Variants in PPP1R16B observed in about 807,000 individuals in gnomAD.
PPP1R16B encodes protein phosphatase 1 regulatory inhibitor subunit 16B.
Under a neutral mutation model 61.7 loss-of-function variants are expected in PPP1R16B, and 14 were observed. The ratio of observed to expected loss-of-function variants is 0.23; its 90% confidence interval spans 0.15 to 0.35. The LOEUF is 0.35. PPP1R16B is among the 10% of genes least tolerant of loss of function. The probability of loss-of-function intolerance (pLI) is 1.00; values close to 1 mark genes in which losing one functional copy is unlikely to be tolerated. For missense variants in PPP1R16B, 547 were observed against 752.5 expected, an observed-to-expected ratio of 0.73 and a Z score of 3.19; for synonymous variants, 266 against 305.3, an observed-to-expected ratio of 0.87 and a Z score of 1.34.
intron 7 of PPP1R16B, among the ~76,000 whole-genome samples, chr20:38,906,737 A>T (rs2085446447): frequency 6.6e-6 from 1 of 152,106 alleles, no homozygotes; most frequent in African/African-American, 2.4e-5. Flanking sequence ...CCAGCTCTAG[A>T]GTTACAGCCA....
intron 10 of PPP1R16B, among the ~76,000 whole-genome samples, 180 bp from the exon 11 acceptor site, chr20:38,917,977 G>T (rs1158636277): frequency 6.6e-6 from 1 of 152,198 alleles, no homozygotes. Context: ...CCAGGGGTCG[G>T]TCAACTGTAC....
intron 2 of PPP1R16B, among the ~76,000 whole-genome samples, chr20:38,843,438 C>T (rs1011311192): frequency 1.8e-4 from 27 of 152,362 alleles, no homozygotes; most frequent in Middle Eastern, 3.4e-3. Context: ...GGCTCACTGG[C>T]ATGGCTCTTG....
Position 38,918,728 on chromosome 20 carries a change from A to G in PPP1R16B, c.*62A>G. 1.4e-6 allele frequency: 2 copies of G among 1,466,430 alleles called. No homozygotes were observed. The highest frequency in any genetic ancestry group is 2.3e-5 in the East Asian group (1 of 42,912). 90.8% of individuals were successfully genotyped at this position (1,466,430 alleles called of 1,614,324 possible). A position where few individuals can be genotyped will look rare whatever the true frequency, so the allele number is the denominator to read the frequency against. On this transcript the variant is annotated 3_prime_UTR_variant, in exon 11 of 11. Transcript: ENST00000299824. The surrounding 1 kb of genome is among the most constrained non-coding windows in gnomAD (Gnocchi z 5.3). Reference sequence around the variant, plus strand: ...GGCTCCTGGAATCCAGGCCAGCCCAACAGCCCTGGCTGGGGAGGTGTCAGG... The same window carrying G: ...GGCTCCTGGAATCCAGGCCAGCCCAGCAGCCCTGGCTGGGGAGGTGTCAGG...
At chr20:38,880,189 G>A (rs572267544) in intron 2 of PPP1R16B, among the ~76,000 whole-genome samples, 1 of 152,318 alleles carries the variant, frequency 6.6e-6, no homozygotes, top group Admixed American at 6.5e-5. Context: ...TAAAGACACA[G>A]ACAAATCCAT....
chr20:38,849,745 T>G (rs971271283), intron 2 of PPP1R16B, among the ~76,000 whole-genome samples: 12 of 150,410 alleles, frequency 8.0e-5, no homozygotes, highest in Non-Finnish European at 1.5e-4. Context: ...AGGGTAAAAC[T>G]AGTTGTATTT....
chr20:38,820,828 C>A (rs182196360), intron 1 of PPP1R16B, among the ~76,000 whole-genome samples: 1 of 151,624 alleles, frequency 6.6e-6, no homozygotes, highest in African/African-American at 2.4e-5. Context: ...GTCAGGAGAT[C>A]GAGACCATCC....
intron 1 of PPP1R16B, among the ~76,000 whole-genome samples, chr20:38,829,594 C>T (rs1252470063): frequency 6.6e-6 from 1 of 152,216 alleles, no homozygotes; most frequent in Non-Finnish European, 1.5e-5. Context: ...GCAGTTTGTG[C>T]TGTGTTCCCA....
In PPP1R16B at chr20:38,907,598, C is replaced by G. The variant is rs1186384793; in HGVS notation, c.899-208C>G. On this transcript the variant is annotated intron_variant, in intron 8 of 10. Coordinates refer to ENST00000299824, the MANE Select transcript of PPP1R16B (RefSeq NM_015568.4). This position sits in a 1 kb window ranked among gnomAD's most constrained non-coding sequence, Gnocchi z 4.5. ...GGGAAGCTTAGGAATTGTGACTGTGCCCAGAACCTGGGTTTCCCATTCTTA... is the reference window on the plus strand; with the variant it reads ...GGGAAGCTTAGGAATTGTGACTGTGGCCAGAACCTGGGTTTCCCATTCTTA... Among the ~76,000 whole-genome samples, 4 of 152,124 alleles carry G rather than the reference C, an allele frequency of 2.6e-5. No individual in the cohort carries two copies. The highest frequency in any genetic ancestry group is 4.4e-5 in the Non-Finnish European group (3 of 68,024).
At chr20:38,910,546 T>G (rs964309040) in intron 10 of PPP1R16B, among the ~76,000 whole-genome samples, 1 of 151,752 alleles carries the variant, frequency 6.6e-6, no homozygotes, top group African/African-American at 2.4e-5. Context: ...TTTGTTTTTT[T>G]TTTTTGAGAC....
rs766833072 is a variant in PPP1R16B at position 38,907,208 on chromosome 20, C to T, written c.898+154C>T. Among the ~76,000 whole-genome samples, 2 of 151,762 alleles carry T rather than the reference C, an allele frequency of 1.3e-5. No homozygotes were observed. The highest frequency in any genetic ancestry group is 2.4e-5 in the African/African-American group (1 of 41,268). ...AATTAATGGATGGTAGATGAATGGA[C>T]GGATGGACAGATTAATGGATAGATG... On this transcript the variant is annotated intron_variant, in intron 8 of 10. Transcript: ENST00000299824. This position sits in a 1 kb window ranked among gnomAD's most constrained non-coding sequence, Gnocchi z 4.5.
intron 1 of PPP1R16B, among the ~76,000 whole-genome samples, chr20:38,829,703 G>A (rs2145715706): frequency 6.6e-6 from 1 of 152,350 alleles, no homozygotes; most frequent in East Asian, 1.9e-4. Flanking sequence ...GCCGTGGGCT[G>A]CCCCAGCACC....
intron 2 of PPP1R16B, among the ~76,000 whole-genome samples, chr20:38,887,735 C>T (rs529708948): frequency 1.1e-4 from 17 of 152,350 alleles, no homozygotes; most frequent in African/African-American, 4.1e-4. Context: ...AGGATCTGAC[C>T]GTACTGGACA....
At position 38,922,279 on chromosome 20, in the gene PPP1R16B, A is replaced by G. The variant is rs1422087613; in HGVS notation, c.*3613A>G. The G allele has an allele frequency of 6.5e-6, 1 of 152,750 alleles. No homozygotes were observed. Among genetic ancestry groups the G allele is most frequent in the Non-Finnish European group, 1.5e-5 (1 of 68,112 alleles). 9.5% of individuals were successfully genotyped at this position (152,750 alleles called of 1,614,324 possible). ...ACCGGTTTGCTGGCTTTGTAATAAC[A>G]TAAGACCATTGTGGTTGTTGGTGTC... On this transcript the variant is annotated 3_prime_UTR_variant, in exon 11 of 11. Coordinates refer to ENST00000299824, the MANE Select transcript of PPP1R16B (RefSeq NM_015568.4).
At position 38,907,128 on chromosome 20, in the gene PPP1R16B, A is replaced by G; in HGVS notation, c.898+74A>G. The G allele has an allele frequency of 8.4e-7, 1 of 1,193,472 alleles. No homozygotes were observed. The highest frequency in any genetic ancestry group is 1.5e-5 in the African/African-American group (1 of 66,796). The allele number at this position is 1,193,472 out of a possible 1,614,324, so 73.9% of individuals were successfully genotyped here. A position where few individuals can be genotyped will look rare whatever the true frequency, so the allele number is the denominator to read the frequency against. On this transcript the variant is annotated intron_variant, in intron 8 of 10. Transcript: ENST00000299824. The surrounding 1 kb of genome is among the most constrained non-coding windows in gnomAD (Gnocchi z 4.5). ...TTTTGATGGGTAGAGGGAGAAATAG[A>G]TAAATATATGGTTGTATAGATTGAT...
intron 1 of PPP1R16B, among the ~76,000 whole-genome samples, chr20:38,807,209 T>G (rs921012840): frequency 3.3e-5 from 5 of 152,088 alleles, no homozygotes; most frequent in African/African-American, 1.2e-4. Context: ...AAACCGTCCA[T>G]CTAGGAGGCC....
intron 3 of PPP1R16B, among the ~76,000 whole-genome samples, chr20:38,891,660 A>G (rs946611671): frequency 6.6e-6 from 1 of 152,064 alleles, no homozygotes; most frequent in African/African-American, 2.4e-5. Context: ...ATTAGCTGGA[A>G]TTTGGTGGTG....
At chr20:38,845,462 CAAAT>C (rs1174225442) in intron 2 of PPP1R16B, among the ~76,000 whole-genome samples, 3 of 152,108 alleles carry the variant, frequency 2.0e-5, no homozygotes, top group African/African-American at 7.2e-5. Context: ...AATAAATAAA[CAAAT>C]AAATAAAAAT....
chr20:38,869,527 C>T (rs773075069), intron 2 of PPP1R16B, among the ~76,000 whole-genome samples: 1 of 152,156 alleles, frequency 6.6e-6, no homozygotes, highest in Admixed American at 6.5e-5. Flanking sequence ...TATATCCTCA[C>T]CAGCAGTGTA....
chr20:38,911,909 T>G (rs1357977688), intron 10 of PPP1R16B, among the ~76,000 whole-genome samples: 1 of 152,124 alleles, frequency 6.6e-6, no homozygotes, highest in Non-Finnish European at 1.5e-5. Context: ...ATAAACATTT[T>G]TGTACATGTC....
Sources: gnomAD v4.1 joint callset for allele counts (sites outside exome capture counted in the v4.1 genomes callset) on GRCh38, gnomAD v4.1.1 for gene constraint, Gnocchi (gnomAD v3.1) non-coding constraint, MANE v1.5 for transcripts, NCBI Gene and HGNC (gene_info 2026-07-23, HGNC 2026-07-21) for gene names.